XYLT2: variants seen among roughly 807,000 people sequenced by gnomAD.
XYLT2 encodes xylosyltransferase 2.
XYLT2 carries 37 observed loss-of-function variants against 82.6 expected under a neutral mutation model. That is an observed-to-expected ratio of 0.45 (90% CI 0.34 to 0.59). XYLT2 has a LOEUF of 0.59. Ranked by LOEUF, XYLT2 falls within the 20% of genes least tolerant of loss-of-function variation. XYLT2 has a pLI of 0.01. For synonymous variants in XYLT2, 474 were observed against 499.0 expected (o/e 0.95, Z 0.67); for missense variants, 934 against 1,181.3 (o/e 0.79, Z 3.07).
intron 5 of XYLT2, 95 bp from the exon 6 acceptor site, chr17:50,355,684 CCA>C (rs1281761394): frequency 6.3e-7 from 1 of 1,581,644 alleles, no homozygotes; most frequent in Non-Finnish European, 8.7e-7. Context: ...AGCCTCCACA[CCA>C]GTCACAGGTT....
In XYLT2 at chr17:50,346,594, G is replaced by GAGCGGGGCTGGT; in HGVS notation, c.135+321_135+322insCGGGGCTGGTAG. Reference sequence around the variant, plus strand: ...GGTCAGGCGCGGCGAGCGGGGCTGGGAGGCGGGGCTGGGCCCGAACCTGCT... The same window carrying GAGCGGGGCTGGT: ...GGTCAGGCGCGGCGAGCGGGGCTGGGAGCGGGGCTGGTAGGCGGGGCTGGGCCCGAACCTGCT... On this transcript the variant is annotated intron_variant, in intron 1 of 10. Transcript: ENST00000017003. The surrounding 1 kb of genome is among the most constrained non-coding windows in gnomAD (Gnocchi z 5.1). The GAGCGGGGCTGGT allele has an allele frequency of 1.3e-5, 13 of 983,958 alleles. No individual in the cohort carries two copies. The highest frequency in any genetic ancestry group is 1.6e-5 in the Non-Finnish European group (13 of 828,832). 61.0% of individuals were successfully genotyped at this position (983,958 alleles called of 1,614,324 possible). A position where few individuals can be genotyped will look rare whatever the true frequency, so the allele number is the denominator to read the frequency against.
In XYLT2 at chr17:50,353,808, C is replaced by T; in HGVS notation, c.314C>T (p.Ala105Val). 1 of 1,572,534 alleles carries T rather than the reference C, an allele frequency of 6.4e-7. No homozygotes were observed. The highest frequency in any genetic ancestry group is 1.2e-5 in the South Asian group (1 of 86,684). ...VVRAVTSRQR[A>V]SRRVPPAPPP... ...CGGGCAGTAACCAGCCGGCAGAGAG[C>T]CAGCCGGCGGGTCCCACCTGCCCCA... The change falls in exon 2 of 11, where the codon GCC becomes GTC. Residue 105 changes from alanine to valine, a missense_variant. By Grantham distance (64) the Ala-to-Val change is moderately conservative. Around this residue, in one of 3 missense-constraint regions of XYLT2, gnomAD observed 371 missense variants for 394.9 expected, o/e 0.94. Coordinates refer to ENST00000017003, the MANE Select transcript of XYLT2 (RefSeq NM_022167.4).
intron 1 of XYLT2, 44 bp from the exon 2 acceptor site, chr17:50,353,586 A>T (rs750869750): frequency 6.5e-7 from 1 of 1,530,040 alleles, no homozygotes. Context: ...GAACAGGAGG[A>T]GGTGAGGGTC....
chr17:50,346,645 C>T lies in XYLT2; in HGVS notation c.135+370C>T. On this transcript the variant is annotated intron_variant, in intron 1 of 10. Transcript: ENST00000017003. This position sits in a 1 kb window ranked among gnomAD's most constrained non-coding sequence, Gnocchi z 5.1. Reference sequence around the variant, plus strand: ...CGGAGGTGGGGAGCCCCAGGCCAAACTTTCTGAAGTTGGGAGGGGGCGGGG... The same window carrying T: ...CGGAGGTGGGGAGCCCCAGGCCAAATTTTCTGAAGTTGGGAGGGGGCGGGG... 2 of 985,370 alleles carry T rather than the reference C, an allele frequency of 2.0e-6. No homozygotes were observed. The highest frequency in any genetic ancestry group is 3.5e-5 in the African/African-American group (2 of 57,354). The allele number at this position is 985,370 out of a possible 1,614,324, so 61.0% of individuals were successfully genotyped here.
intron 5 of XYLT2, 72 bp from the exon 6 acceptor site, chr17:50,355,709 T>C (rs113039226): frequency 1.6e-5 from 26 of 1,592,694 alleles, no homozygotes; most frequent in African/African-American, 1.3e-4. Flanking sequence ...GGAGTGTTGG[T>C]TGCCAGGCGG....
rs767514402 is a variant in XYLT2 at position 50,356,748 on chromosome 17, C to T, written c.1720C>T (p.Pro574Ser). The change falls in exon 8 of 11, where the codon CCC (proline) becomes TCC (serine). Residue 574 changes from proline to serine, a missense_variant. By Grantham distance (74) the Pro-to-Ser change is moderately conservative. Around this residue, in one of 3 missense-constraint regions of XYLT2, gnomAD observed 374 missense variants for 465.6 expected, o/e 0.80. Transcript: ENST00000017003. ...CCTGCACCATGCCGCCACTGCTGCA[C>T]CCCCAATGGGCACCCCACTCTGCAG... ...LSLHHAATAA[P>S]PMGTPLCRFE... The T allele has an allele frequency of 6.2e-7, 1 of 1,605,108 alleles. No homozygotes were observed. The highest frequency in any genetic ancestry group is 2.2e-5 in the East Asian group (1 of 44,876).
At position 50,355,577 on chromosome 17, in the gene XYLT2, TC is replaced by T. The variant is rs1912484597; in HGVS notation, c.1086del (p.Arg363GlyfsTer42). 6.2e-7 allele frequency: 1 copy of T among 1,613,690 alleles called. No individual in the cohort carries two copies. The highest frequency in any genetic ancestry group is 8.5e-7 in the Non-Finnish European group (1 of 1,179,922). ...NFLKSHGRDN[S>X]RFIKKQGLDR... ...CCTCAAGTCACATGGCCGGGACAACTCCAGGTGAGGGGGTGGGGAAGGAGGC... is the reference window on the plus strand; with the variant it reads ...CCTCAAGTCACATGGCCGGGACAACTCAGGTGAGGGGGTGGGGAAGGAGGC... On this transcript the variant is annotated frameshift_variant, in exon 5 of 11. Coordinates refer to ENST00000017003, the MANE Select transcript of XYLT2 (RefSeq NM_022167.4). LOFTEE classifies it high-confidence loss of function.
At chr17:50,357,634 G>A (rs1912604653) in intron 9 of XYLT2, 1 of 177,858 alleles carries the variant, frequency 5.6e-6, no homozygotes, top group African/African-American at 2.4e-5. Context: ...CTGTCGCAGT[G>A]GCACAATCTC....
In XYLT2 at chr17:50,353,773, C is replaced by T. The variant is rs1310675154; in HGVS notation, c.279C>T (p.Ala93=). 6.4e-7 allele frequency: 1 copy of T among 1,560,448 alleles called. No individual in the cohort carries two copies. The highest frequency in any genetic ancestry group is 1.2e-5 in the South Asian group (1 of 85,372). ...GRAESPGVPV[A]KVVRAVTSRQ... ...CTGAGAGCCCAGGAGTGCCCGTGGC[C>T]AAGGTGGTACGGGCAGTAACCAGCC... Residue 93 remains alanine, a synonymous_variant, in exon 2 of 11, where the codon GCC becomes GCT. Transcript: ENST00000017003.
chr17:50,359,730 T>C (rs1912718698), intron 10 of XYLT2: 1 of 552,854 alleles, frequency 1.8e-6, no homozygotes, highest in Non-Finnish European at 3.2e-6. Context: ...CTAAAGTGCC[T>C]TGAACCCACT....
chr17:50,358,414 C>A lies in XYLT2; in HGVS notation c.2149C>A (p.Pro717Thr), dbSNP rs746768473. 16 of 1,614,050 alleles carry A rather than the reference C, an allele frequency of 9.9e-6. No homozygotes were observed. The highest frequency in any genetic ancestry group is 1.4e-5 in the Non-Finnish European group (16 of 1,180,056). The change falls in exon 10 of 11, where the codon CCA (proline) becomes ACA (threonine). Residue 717 changes from proline to threonine, a missense_variant. By Grantham distance (38) the Pro-to-Thr change is conservative. Transcript: ENST00000017003. ...TETEVTQYKPPLSRPLRPGPW... is the reference protein window; with the variant it reads ...TETEVTQYKPTLSRPLRPGPW... Reference sequence around the variant, plus strand: ...GACTGAGGTCACGCAATACAAGCCCCCACTGAGCCGGCCCCTGCGGCCAGG... The same window carrying A: ...GACTGAGGTCACGCAATACAAGCCCACACTGAGCCGGCCCCTGCGGCCAGG...
In XYLT2 at chr17:50,360,563, TTTTTTTTC is replaced by T. The variant is rs907471138; in HGVS notation, c.*280_*287del. 11 of 1,077,902 alleles carry T rather than the reference TTTTTTTTC, an allele frequency of 1.0e-5. No individual in the cohort carries two copies. The highest frequency in any genetic ancestry group is 4.3e-5 in the East Asian group (1 of 22,996). 66.8% of individuals were successfully genotyped at this position (1,077,902 alleles called of 1,614,324 possible). A position where few individuals can be genotyped will look rare whatever the true frequency, so the allele number is the denominator to read the frequency against. ...CACCTTCCTGTCTAGTTTGAATTTC[TTTTTTTTC>T]TTTTTTTTTTTTTTTTTTTAATTTA... On this transcript the variant is annotated 3_prime_UTR_variant, in exon 11 of 11. Transcript: ENST00000017003.
At chr17:50,347,167 G>A (rs1912078300) in intron 1 of XYLT2, among the ~76,000 whole-genome samples, 1 of 152,190 alleles carries the variant, frequency 6.6e-6, no homozygotes, top group South Asian at 2.1e-4. Context: ...TCGTGCTGCG[G>A]AGATGGAGAG....
intron 10 of XYLT2, 63 bp downstream of exon 10, chr17:50,358,603 G>A (rs1403765411): frequency 6.7e-7 from 1 of 1,488,832 alleles, no homozygotes; most frequent in East Asian, 2.4e-5. Flanking sequence ...CCAGAGAGGT[G>A]ACCTCAAGAA....
In XYLT2 at chr17:50,360,460, T is replaced by C; in HGVS notation, c.*169T>C. The C allele has an allele frequency of 7.2e-7, 1 of 1,387,744 alleles. No homozygotes were observed. Among genetic ancestry groups the C allele is most frequent in the African/African-American group, 1.5e-5 (1 of 68,476 alleles). The allele number at this position is 1,387,744 out of a possible 1,614,324, so 86.0% of individuals were successfully genotyped here. The stretch of plus-strand genomic sequence containing the variant: ...AGGTGGACACAGTATGAACTACTGC[T>C]GATGTCTCTGTTGGGGATCAGAGGG... On this transcript the variant is annotated 3_prime_UTR_variant, in exon 11 of 11. Transcript: ENST00000017003.
At position 50,353,989 on chromosome 17, in the gene XYLT2, G is replaced by A; in HGVS notation, c.495G>A (p.Val165=). 1 of 1,606,654 alleles carries A rather than the reference G, an allele frequency of 6.2e-7. No homozygotes were observed. The highest frequency in any genetic ancestry group is 1.1e-5 in the South Asian group (1 of 91,086). The change falls in exon 2 of 11, where the codon GTG becomes GTA. Residue 165 remains valine (V), a synonymous_variant. Transcript: ENST00000017003. ...DNGFTPKCEI[V]GKDALSALAR... ...GCTTCACCCCCAAGTGCGAGATCGTGGGCAAGGACGCACTGTCTGCACTGG... is the reference window on the plus strand; with the variant it reads ...GCTTCACCCCCAAGTGCGAGATCGTAGGCAAGGACGCACTGTCTGCACTGG...
intron 9 of XYLT2, chr17:50,357,965 T>A (rs1350053457): frequency 1.9e-6 from 1 of 530,470 alleles, no homozygotes; most frequent in African/African-American, 1.9e-5. Flanking sequence ...CCTGCCGTAT[T>A]GTCCCCAATA....
At chr17:50,354,215 GCCAAGGGGATC>G in intron 2 of XYLT2, 93 bp downstream of exon 2, 1 of 1,568,456 alleles carries the variant, frequency 6.4e-7, no homozygotes, top group Non-Finnish European at 8.6e-7. Flanking sequence ...GGAAGAAAGA[GCCAAGGGGATC>G]CTACCTCCCT....
At chr17:50,349,934 G>A (rs919115313) in intron 1 of XYLT2, among the ~76,000 whole-genome samples, 1 of 152,144 alleles carries the variant, frequency 6.6e-6, no homozygotes, top group East Asian at 1.9e-4. Context: ...TGTAATCCCA[G>A]CACTTTGGGA....
Sources: gnomAD v4.1 joint callset for allele counts (sites outside exome capture counted in the v4.1 genomes callset) on GRCh38, gnomAD v4.1.1 for gene constraint, gnomAD v4.1.1 regional missense constraint, Gnocchi (gnomAD v3.1) non-coding constraint, MANE v1.5 for transcripts, NCBI Gene and HGNC (gene_info 2026-07-23, HGNC 2026-07-21) for gene names.